The following PTGFR variants were observed in gnomAD, a reference collection of about 807,000 sequenced individuals.
The protein encoded by PTGFR is prostaglandin F receptor.
A neutral mutation model predicts 26.2 loss-of-function variants in PTGFR; 15 were observed. The observed-to-expected ratio is 0.57, with a 90% CI of 0.38 to 0.88. The LOEUF (loss-of-function observed/expected upper bound fraction) is 0.88, where lower values mean the gene tolerates loss of function less well. Ranked by LOEUF, PTGFR falls within the 40% of genes least tolerant of loss-of-function variation. The pLI, the probability that PTGFR is intolerant of heterozygous loss-of-function variation, is 0.00. For synonymous variants in PTGFR, 165 were observed against 151.1 expected (o/e 1.09, Z -0.68); for missense variants, 369 against 427.2 (o/e 0.86, Z 1.20).
Position 78,537,465 on chromosome 1 carries a change from A to T in PTGFR, c.*778A>T, listed in dbSNP as rs909652737. Reference sequence around the variant, plus strand: ...ACAAAGGCTCTTTCTCAGCACATTGATGGGCAACTAGAATTACAGCAGTTT... The same window carrying T: ...ACAAAGGCTCTTTCTCAGCACATTGTTGGGCAACTAGAATTACAGCAGTTT... On this transcript the variant is annotated 3_prime_UTR_variant, in exon 3 of 3. Coordinates refer to ENST00000370757, the MANE Select transcript of PTGFR (RefSeq NM_000959.4). 1.3e-5 allele frequency: 2 copies of T among 152,164 alleles called. No individual in the cohort carries two copies. Among genetic ancestry groups the T allele is most frequent in the African/African-American group, 4.8e-5 (2 of 41,450 alleles). The allele number at this position is 152,164 out of a possible 1,614,324, so 9.4% of individuals were successfully genotyped here. A position where few individuals can be genotyped will look rare whatever the true frequency, so the allele number is the denominator to read the frequency against.
At chr1:78,509,152 G>A (rs1303155529) in intron 2 of PTGFR, among the ~76,000 whole-genome samples, 1 of 152,102 alleles carries the variant, frequency 6.6e-6, no homozygotes, top group Non-Finnish European at 1.5e-5. Context: ...CTGTATTCTG[G>A]TAGCTGTTTC....
At chr1:78,513,509 A>G (rs34572897) in intron 2 of PTGFR, among the ~76,000 whole-genome samples, 20,217 of 152,266 alleles carry the variant, frequency 0.13, 1,780 homozygotes, top group Non-Finnish European at 0.2. Context: ...TGGCATGACT[A>G]CTTCTAACAA....
At chr1:78,534,269 A>G (rs1650592207) in intron 2 of PTGFR, among the ~76,000 whole-genome samples, 1 of 152,162 alleles carries the variant, frequency 6.6e-6, no homozygotes, top group Admixed American at 6.6e-5. Context: ...TAATGTTCTC[A>G]ACGCTTGTCA....
At chr1:78,494,536 A>G (rs534944823) in intron 2 of PTGFR, among the ~76,000 whole-genome samples, 64 of 152,318 alleles carry the variant, frequency 4.2e-4, no homozygotes, top group African/African-American at 1.5e-3. Flanking sequence ...GGTGCTTGTT[A>G]CTAATGCAGT....
intron 2 of PTGFR, among the ~76,000 whole-genome samples, chr1:78,518,049 G>A (rs764815875): frequency 9.9e-5 from 15 of 152,206 alleles, no homozygotes; most frequent in Non-Finnish European, 1.9e-4. Flanking sequence ...GATAGGTGCA[G>A]CAAACCACCA....
intron 2 of PTGFR, among the ~76,000 whole-genome samples, chr1:78,531,021 G>C (rs1056976029): frequency 1.3e-5 from 2 of 152,082 alleles, no homozygotes; most frequent in African/African-American, 4.8e-5. Flanking sequence ...CTCCTTCCTT[G>C]AAGACACATT....
intron 2 of PTGFR, among the ~76,000 whole-genome samples, chr1:78,524,819 T>C (rs933654050): frequency 4.0e-5 from 6 of 151,884 alleles, no homozygotes; most frequent in African/African-American, 1.5e-4. Context: ...TTCTGTATCT[T>C]TCTATAATAA....
chr1:78,495,290 G>A (rs572703503), intron 2 of PTGFR, among the ~76,000 whole-genome samples: 15 of 152,286 alleles, frequency 9.8e-5, no homozygotes, highest in African/African-American at 3.1e-4. Context: ...AACAGAAACC[G>A]TTTCTAACAA....
intron 2 of PTGFR, among the ~76,000 whole-genome samples, chr1:78,522,512 A>C (rs1174409801): frequency 6.6e-6 from 1 of 152,060 alleles, no homozygotes; most frequent in Non-Finnish European, 1.5e-5. Flanking sequence ...TTTTGTTCAT[A>C]TTCTTCTACT....
intron 2 of PTGFR, among the ~76,000 whole-genome samples, chr1:78,522,004 A>G (rs537578579): frequency 2.4e-4 from 36 of 152,152 alleles, no homozygotes; most frequent in Non-Finnish European, 4.0e-4. Flanking sequence ...CAGGGTCTCA[A>G]CAAGTGTCTG....
chr1:78,512,284 T>C (rs1435395343), intron 2 of PTGFR, among the ~76,000 whole-genome samples: 2 of 152,172 alleles, frequency 1.3e-5, no homozygotes, highest in Non-Finnish European at 2.9e-5. Context: ...TTAGTTCATT[T>C]TTTATATTGC....
Position 78,536,762 on chromosome 1 carries a change from T to C in PTGFR, c.*75T>C. ...TTTGGCAATATTTCAGTTAGTTAAA[T>C]ACCTGTAGCCTAACTGGAAAATTCA... is the stretch of plus-strand genomic sequence containing the variant. On this transcript the variant is annotated 3_prime_UTR_variant, in exon 3 of 3. Coordinates refer to ENST00000370757, the MANE Select transcript of PTGFR (RefSeq NM_000959.4). 6.9e-7 allele frequency: 1 copy of C among 1,451,376 alleles called. No individual in the cohort carries two copies. Among genetic ancestry groups the C allele is most frequent in the South Asian group, 1.4e-5 (1 of 72,600 alleles). 89.9% of individuals were successfully genotyped at this position (1,451,376 alleles called of 1,614,324 possible). A position where few individuals can be genotyped will look rare whatever the true frequency, so the allele number is the denominator to read the frequency against.
chr1:78,504,546 A>G (rs1355686503), intron 2 of PTGFR, among the ~76,000 whole-genome samples: 2 of 152,156 alleles, frequency 1.3e-5, no homozygotes, highest in Non-Finnish European at 2.9e-5. Context: ...TTTGCCTTTT[A>G]ATTCAGTATT....
intron 2 of PTGFR, among the ~76,000 whole-genome samples, chr1:78,499,067 A>G (rs1266653592): frequency 6.6e-6 from 1 of 152,176 alleles, no homozygotes; most frequent in Non-Finnish European, 1.5e-5. Context: ...GAAGGCATGA[A>G]GTAAGTGCCA....
chr1:78,505,324 C>T (rs1253765511), intron 2 of PTGFR, among the ~76,000 whole-genome samples: 3 of 151,820 alleles, frequency 2.0e-5, no homozygotes, highest in East Asian at 1.9e-4. Context: ...GGTTTCACCA[C>T]GTTGGCAAGG....
chr1:78,526,203 T>C (rs1238821038), intron 2 of PTGFR, among the ~76,000 whole-genome samples: 1 of 152,082 alleles, frequency 6.6e-6, no homozygotes, highest in Non-Finnish European at 1.5e-5. Context: ...TTTAAAGTGG[T>C]CTCCTATTCA....
At chr1:78,511,199 A>G (rs1006571595) in intron 2 of PTGFR, among the ~76,000 whole-genome samples, 1 of 151,882 alleles carries the variant, frequency 6.6e-6, no homozygotes, top group Non-Finnish European at 1.5e-5. Context: ...CCCTCTGGGG[A>G]CTCTGTATGG....
chr1:78,540,116 T>C lies in PTGFR; in HGVS notation c.*3429T>C, dbSNP rs868374913. 3.9e-5 allele frequency among the ~76,000 whole-genome samples: 6 copies of C among 152,126 alleles called. No homozygotes were observed. Among genetic ancestry groups the C allele is most frequent in the Non-Finnish European group, 7.4e-5 (5 of 68,002 alleles). ...ACTCTGAAGGGGAGCTCTGCTGTTG[T>C]AATCACTCAGAGAACTCAGGTGAAA... On this transcript the variant is annotated 3_prime_UTR_variant, in exon 3 of 3. Coordinates refer to ENST00000370757, the MANE Select transcript of PTGFR (RefSeq NM_000959.4).
intron 2 of PTGFR, among the ~76,000 whole-genome samples, chr1:78,505,813 G>A (rs931289198): frequency 6.6e-6 from 1 of 152,024 alleles, no homozygotes; most frequent in African/African-American, 2.4e-5. Flanking sequence ...GGCTTCTTTC[G>A]GTTAGCATAA....
Sources: gnomAD v4.1 joint callset for allele counts (sites outside exome capture counted in the v4.1 genomes callset) on GRCh38, gnomAD v4.1.1 for gene constraint, MANE v1.5 for transcripts, NCBI Gene and HGNC (gene_info 2026-07-23, HGNC 2026-07-21) for gene names.